PDZRN4: variants seen among roughly 807,000 people sequenced by gnomAD.
PDZRN4 encodes the protein PDZ domain containing ring finger 4.
Under a neutral mutation model 99.0 loss-of-function variants are expected in PDZRN4, and 70 were observed. That is an observed-to-expected ratio of 0.71 (90% CI 0.58 to 0.86). The LOEUF (loss-of-function observed/expected upper bound fraction) is 0.86, where lower values mean the gene tolerates loss of function less well. Among genes scored for constraint, PDZRN4 ranks in the 40% least tolerant of loss-of-function variants. PDZRN4 has a pLI of 0.00. For synonymous variants in PDZRN4, 551 were observed against 501.6 expected (o/e 1.10, Z -1.32); for missense variants, 1,474 against 1,331.2 (o/e 1.11, Z -1.67).
intron 3 of PDZRN4, among the ~76,000 whole-genome samples, chr12:41,253,321 A>C (rs528924291): frequency 6.6e-6 from 1 of 152,302 alleles, no homozygotes; most frequent in East Asian, 1.9e-4. Context: ...ATTAATCTTT[A>C]ACCCATTTTG....
intron 3 of PDZRN4, among the ~76,000 whole-genome samples, chr12:41,360,185 C>T (rs1253393394): frequency 6.6e-6 from 1 of 151,914 alleles, no homozygotes; most frequent in Non-Finnish European, 1.5e-5. Context: ...CATAGCTATG[C>T]TATGCTATGT....
At chr12:41,331,601 A>G (rs1480642774) in intron 3 of PDZRN4, among the ~76,000 whole-genome samples, 1 of 152,180 alleles carries the variant, frequency 6.6e-6, no homozygotes, top group East Asian at 1.9e-4. Flanking sequence ...CTATTTTCAC[A>G]GTAAAACATA....
intron 3 of PDZRN4, chr12:41,410,093 C>T (rs1475756857): frequency 6.6e-6 from 1 of 152,174 alleles, no homozygotes; most frequent in Non-Finnish European, 1.5e-5. Flanking sequence ...GGACATAATT[C>T]AACCCATACC....
intron 3 of PDZRN4, among the ~76,000 whole-genome samples, chr12:41,282,586 A>G (rs1190778432): frequency 2.0e-5 from 3 of 152,184 alleles, no homozygotes; most frequent in Non-Finnish European, 4.4e-5. Context: ...TCAGCACCAC[A>G]TTGCACTTAT....
chr12:41,491,698 G>A (rs549766658), intron 3 of PDZRN4, among the ~76,000 whole-genome samples: 2 of 152,106 alleles, frequency 1.3e-5, no homozygotes, highest in African/African-American at 2.4e-5. Flanking sequence ...ATCTTCTGCA[G>A]TTTTTAGGAT....
rs376164060 is a variant in PDZRN4, at chr12:41,378,075, C to T, written c.844-128381C>T. Among the ~76,000 whole-genome samples the T allele has an allele frequency of 3.0e-4, 46 of 152,238 alleles. No individual in the cohort carries two copies. The South Asian group carries it at 8.3e-3, about 27-fold the overall frequency. ...TCACTTTCCTGATCTTAAAAGAATT[C>T]AGGTTTTCACTGCTGAAGATGATGT... On this transcript the variant is annotated intron_variant, in intron 3 of 9. Coordinates refer to ENST00000402685, the MANE Select transcript of PDZRN4 (RefSeq NM_001164595.2).
chr12:41,460,531 C>A (rs933752605), intron 3 of PDZRN4, among the ~76,000 whole-genome samples: 35 of 152,180 alleles, frequency 2.3e-4, no homozygotes, highest in African/African-American at 7.5e-4. Context: ...CTTCTAAGAG[C>A]CTTCTTGAAG....
At chr12:41,467,186 T>C (rs938806890) in intron 3 of PDZRN4, among the ~76,000 whole-genome samples, 4 of 152,204 alleles carry the variant, frequency 2.6e-5, no homozygotes, top group African/African-American at 9.6e-5. Flanking sequence ...AGGGCAGCAG[T>C]AGACACAGTG....
intron 5 of PDZRN4, among the ~76,000 whole-genome samples, chr12:41,529,229 T>TTG (rs71081749): frequency 0.16 from 24,165 of 149,692 alleles, 2,067 homozygotes; most frequent in South Asian, 0.23. Context: ...GTGTGTGTGT[T>TTG]TGTGTGTGTG....
At chr12:41,241,965 G>A (rs114349540) in intron 3 of PDZRN4, among the ~76,000 whole-genome samples, 5,304 of 152,270 alleles carry the variant, frequency 0.035, 301 homozygotes, top group African/African-American at 0.12. Flanking sequence ...TGAAGCAACA[G>A]CTATGTTTCA....
intron 3 of PDZRN4, among the ~76,000 whole-genome samples, chr12:41,481,136 T>A (rs1937666817): frequency 6.6e-6 from 1 of 152,060 alleles, no homozygotes; most frequent in Admixed American, 6.6e-5. Context: ...CTCATATTTC[T>A]CCTGTAGCGG....
At chr12:41,424,361 C>T (rs1269153331) in intron 3 of PDZRN4, among the ~76,000 whole-genome samples, 3 of 152,036 alleles carry the variant, frequency 2.0e-5, no homozygotes, top group Non-Finnish European at 4.4e-5. Flanking sequence ...CCCTTCATTC[C>T]AAACAAATAT....
At chr12:41,253,975 G>A (rs946442056) in intron 3 of PDZRN4, among the ~76,000 whole-genome samples, 19 of 151,904 alleles carry the variant, frequency 1.3e-4, no homozygotes, top group Non-Finnish European at 1.0e-4. Context: ...GGCCACTAGA[G>A]GCCAGGAAGG....
chr12:41,193,854 G>T (rs78968152), intron 2 of PDZRN4, among the ~76,000 whole-genome samples: 2,606 of 152,196 alleles, frequency 0.017, 41 homozygotes, highest in East Asian at 0.059. Context: ...ACTCAAAAAT[G>T]TGAAGTAAAT....
intron 3 of PDZRN4, among the ~76,000 whole-genome samples, chr12:41,349,078 T>C (rs1005664620): frequency 6.6e-6 from 1 of 151,986 alleles, no homozygotes; most frequent in African/African-American, 2.4e-5. Context: ...TTTAAATAAA[T>C]ATTTATAAAT....
intron 3 of PDZRN4, among the ~76,000 whole-genome samples, chr12:41,388,797 T>C (rs1193900536): frequency 2.0e-5 from 3 of 152,212 alleles, no homozygotes; most frequent in Admixed American, 1.3e-4. Context: ...TTCCATTCAC[T>C]GAGTTTATGT....
rs965511700 is a variant in PDZRN4 at position 41,515,273 on chromosome 12, G to A, written c.1203+5360G>A. ...GTTGAAGTAGATAAACGAGAAAATA[G>A]TGTATAGAGTATAAAAGAGTAGCAT... On this transcript the variant is annotated intron_variant, in intron 5 of 9. Transcript: ENST00000402685. Among the ~76,000 whole-genome samples, 8 of 152,192 alleles carry A rather than the reference G, an allele frequency of 5.3e-5. No individual in the cohort carries two copies. In the South Asian group the frequency reaches 8.3e-4, roughly 16 times the overall value.
At chr12:41,421,920 G>A (rs552007004) in intron 3 of PDZRN4, among the ~76,000 whole-genome samples, 1 of 152,146 alleles carries the variant, frequency 6.6e-6, no homozygotes, top group East Asian at 1.9e-4. Flanking sequence ...CTAATATCCC[G>A]CAGTGATTAG....
intron 3 of PDZRN4, among the ~76,000 whole-genome samples, chr12:41,465,310 C>T (rs12299762): frequency 0.2 from 30,645 of 152,076 alleles, 4,026 homozygotes; most frequent in African/African-American, 0.38. Context: ...GAGAAAAATA[C>T]GTTTACATTT....
Sources: gnomAD v4.1 joint callset for allele counts (sites outside exome capture counted in the v4.1 genomes callset) on GRCh38, gnomAD v4.1.1 for gene constraint, MANE v1.5 for transcripts, NCBI Gene and HGNC (gene_info 2026-07-23, HGNC 2026-07-21) for gene names.